NALF1: variants seen among roughly 807,000 people sequenced by gnomAD.
The protein encoded by NALF1 is family with sequence similarity 155 member A.
In NALF1, 3 loss-of-function variants were observed where a neutral mutation model predicts 48.4. The ratio of observed to expected loss-of-function variants is 0.06; its 90% confidence interval spans 0.03 to 0.16. NALF1 has a LOEUF of 0.16. Among genes scored for constraint, NALF1 ranks in the 10% least tolerant of loss-of-function variants. The pLI, the probability that NALF1 is intolerant of heterozygous loss-of-function variation, is 1.00. For missense variants in NALF1, 526 were observed against 571.5 expected (o/e 0.92, Z 0.81); for synonymous variants, 262 against 245.7 (o/e 1.07, Z -0.62).
At chr13:107,189,135 G>GAA (rs1879233267) in intron 2 of NALF1, among the ~76,000 whole-genome samples, 1 of 152,168 alleles carries the variant, frequency 6.6e-6, no homozygotes, top group East Asian at 1.9e-4. Context: ...GCTAAGTTGA[G>GAA]GAATAAATTG....
At chr13:107,262,685 G>A (rs1172445129) in intron 1 of NALF1, among the ~76,000 whole-genome samples, 1 of 151,958 alleles carries the variant, frequency 6.6e-6, no homozygotes, top group African/African-American at 2.4e-5. Context: ...GCTACCTGAT[G>A]GGATAGATGC....
At chr13:107,779,400 G>A (rs1302627221) in intron 1 of NALF1, among the ~76,000 whole-genome samples, 1 of 152,134 alleles carries the variant, frequency 6.6e-6, no homozygotes, top group African/African-American at 2.4e-5. Context: ...GGAGTATCCA[G>A]TTCAGATCCT....
intron 1 of NALF1, among the ~76,000 whole-genome samples, chr13:107,632,672 T>C (rs191858178): frequency 6.6e-6 from 1 of 152,214 alleles, no homozygotes; most frequent in East Asian, 1.9e-4. Flanking sequence ...AAATCCAAAT[T>C]TTAGCTACAT....
chr13:107,785,467 G>C (rs188470462), intron 1 of NALF1, among the ~76,000 whole-genome samples: 4 of 152,164 alleles, frequency 2.6e-5, no homozygotes, highest in Non-Finnish European at 5.9e-5. Context: ...GCCAAACATC[G>C]TATGTTTTCA....
rs533501099 is a variant in NALF1, at chr13:107,805,259, T to C, written c.915+60423A>G. On this transcript the variant is annotated intron_variant, in intron 1 of 2. Transcript: ENST00000375915. ...GTCACTTCACTATTTTTTAAAGATTTCTCAGCGCTTACTCTTACAGATGAT... is the reference window on the plus strand; with the variant it reads ...GTCACTTCACTATTTTTTAAAGATTCCTCAGCGCTTACTCTTACAGATGAT... Among the ~76,000 whole-genome samples, 47 of 152,322 alleles carry C rather than the reference T, an allele frequency of 3.1e-4. No homozygotes were observed. The South Asian group carries it at 9.3e-3, about 30-fold the overall frequency.
At chr13:107,550,177 G>A (rs1877252898) in intron 1 of NALF1, among the ~76,000 whole-genome samples, 1 of 151,978 alleles carries the variant, frequency 6.6e-6, no homozygotes, top group Admixed American at 6.6e-5. Context: ...CTTGGATAAT[G>A]ATTCCTCTCT....
intron 1 of NALF1, among the ~76,000 whole-genome samples, chr13:107,578,503 G>A (rs889041786): frequency 6.6e-6 from 1 of 152,140 alleles, no homozygotes; most frequent in Non-Finnish European, 1.5e-5. Flanking sequence ...TTTGAATTCT[G>A]TCTCAAAACT....
chr13:107,225,143 G>A (rs547502553), intron 1 of NALF1, among the ~76,000 whole-genome samples: 4 of 152,122 alleles, frequency 2.6e-5, no homozygotes, highest in South Asian at 4.2e-4. Flanking sequence ...CAAGTAGCTG[G>A]GATTACAGGC....
At chr13:107,245,665 G>C (rs142863739) in intron 1 of NALF1, among the ~76,000 whole-genome samples, 23 of 152,058 alleles carry the variant, frequency 1.5e-4, no homozygotes, top group Non-Finnish European at 2.2e-4. Context: ...TCGATTAAAA[G>C]AGCCTATCAC....
chr13:107,212,547 C>A (rs908143775), intron 1 of NALF1, among the ~76,000 whole-genome samples: 2 of 151,336 alleles, frequency 1.3e-5, no homozygotes, highest in Admixed American at 1.3e-4. Flanking sequence ...GGAGGTGGTG[C>A]CGGCAGCAAG....
chr13:107,495,847 A>C (rs1361657607), intron 1 of NALF1, among the ~76,000 whole-genome samples: 1 of 152,160 alleles, frequency 6.6e-6, no homozygotes, highest in African/African-American at 2.4e-5. Flanking sequence ...GAGGATAAGA[A>C]TAAAGAAAAT....
intron 1 of NALF1, among the ~76,000 whole-genome samples, chr13:107,683,000 C>G (rs961507888): frequency 3.3e-5 from 5 of 152,174 alleles, no homozygotes; most frequent in Admixed American, 3.3e-4. Context: ...TGGTAGTTCA[C>G]ACCTGTAATC....
intron 1 of NALF1, among the ~76,000 whole-genome samples, chr13:107,275,189 T>C (rs1160793297): frequency 6.6e-6 from 1 of 152,244 alleles, no homozygotes; most frequent in East Asian, 1.9e-4. Context: ...ATTAACTTTT[T>C]TGATCTCCTT....
chr13:107,311,106 T>C (rs567026140), intron 1 of NALF1, among the ~76,000 whole-genome samples: 3 of 152,210 alleles, frequency 2.0e-5, no homozygotes, highest in Admixed American at 1.3e-4. Flanking sequence ...ACATTTTTTT[T>C]CCCCCAAGAA....
chr13:107,611,436 T>C lies in NALF1; in HGVS notation c.915+254246A>G, dbSNP rs574589350. On this transcript the variant is annotated intron_variant, in intron 1 of 2. Transcript: ENST00000375915. ...CCAAAAGGCAAAAACAACTAGAGTG[T>C]CCATTGATGGATGAACGGGTAAAGC... Among the ~76,000 whole-genome samples the C allele has an allele frequency of 2.6e-5, 4 of 152,318 alleles. No individual in the cohort carries two copies. The South Asian group carries it at 6.2e-4, about 24-fold the overall frequency.
At chr13:107,433,765 T>C (rs1402477728) in intron 1 of NALF1, among the ~76,000 whole-genome samples, 1 of 152,098 alleles carries the variant, frequency 6.6e-6, no homozygotes, top group Non-Finnish European at 1.5e-5. Flanking sequence ...AAATAATAGA[T>C]TTCCCTAGAG....
intron 1 of NALF1, among the ~76,000 whole-genome samples, chr13:107,780,808 A>G (rs1417305255): frequency 6.6e-6 from 1 of 152,172 alleles, no homozygotes; most frequent in Non-Finnish European, 1.5e-5. Flanking sequence ...AGTGCTAGGC[A>G]ATGATGATTA....
intron 1 of NALF1, among the ~76,000 whole-genome samples, chr13:107,630,207 C>A (rs1404237524): frequency 6.6e-6 from 1 of 152,108 alleles, no homozygotes; most frequent in Non-Finnish European, 1.5e-5. Context: ...AGTACATTCT[C>A]TTACCGTGAC....
chr13:107,218,566 C>T (rs1879925148), intron 1 of NALF1, among the ~76,000 whole-genome samples: 1 of 152,164 alleles, frequency 6.6e-6, no homozygotes. Flanking sequence ...CTAAGAATCC[C>T]TTTTCATATG....
Sources: allele counts gnomAD v4.1 joint callset (sites outside exome capture counted in the v4.1 genomes callset), GRCh38; gene constraint gnomAD v4.1.1; transcripts MANE v1.5; gene names NCBI Gene and HGNC (gene_info 2026-07-23, HGNC 2026-07-21).